CDHR2: variants seen among roughly 807,000 people sequenced by gnomAD.
The protein encoded by CDHR2 is cadherin related family member 2, also known as cadherin-related family member 2.
In CDHR2, 104 loss-of-function variants were observed where a neutral mutation model predicts 138.6. The ratio of observed to expected loss-of-function variants is 0.75; its 90% confidence interval spans 0.64 to 0.88. The LOEUF (loss-of-function observed/expected upper bound fraction) is 0.88. CDHR2 is among the 40% of genes least tolerant of loss of function. The probability of loss-of-function intolerance (pLI) is 0.00; values close to 1 mark genes in which losing one functional copy is unlikely to be tolerated. For synonymous variants in CDHR2, 755 were observed against 742.8 expected, an observed-to-expected ratio of 1.02 and a Z score of -0.27; for missense variants, 1,624 against 1,727.6, an observed-to-expected ratio of 0.94 and a Z score of 1.06.
chr5:176,590,039 T>C (rs1348294294), intron 24 of CDHR2, 39 bp from the exon 25 acceptor site: 2 of 1,569,596 alleles, frequency 1.3e-6, no homozygotes, highest in East Asian at 2.2e-5. Flanking sequence ...AGGCCCAGGC[T>C]AAGACCCCAG....
At position 176,549,827 on chromosome 5, in the gene CDHR2, G is replaced by A. The variant is rs1757665596; in HGVS notation, c.-16+413G>A. On this transcript the variant is annotated intron_variant, in intron 1 of 31. Coordinates refer to ENST00000261944, the MANE Select transcript of CDHR2 (RefSeq NM_017675.6). ...ACATCCCAGCTCCACCCTGACCTTG[G>A]TGGGCTACTTAACTCTTCTGGGCCT... is the stretch of plus-strand genomic sequence containing the variant. 3.3e-5 allele frequency among the ~76,000 whole-genome samples: 5 copies of A among 152,188 alleles called. 1 individual carries two copies. In the South Asian group the frequency reaches 1.0e-3, roughly 31 times the overall value.
intron 28 of CDHR2, 63 bp downstream of exon 28, chr5:176,590,750 G>T (rs1758825171): frequency 5.0e-6 from 8 of 1,606,076 alleles, no homozygotes; most frequent in South Asian, 2.2e-5. Context: ...AAGACGTCGG[G>T]GGGTAGGGGT....
At chr5:176,579,937 A>G (rs537655941) in intron 16 of CDHR2, among the ~76,000 whole-genome samples, 5 of 152,298 alleles carry the variant, frequency 3.3e-5, no homozygotes, top group Non-Finnish European at 5.9e-5. Flanking sequence ...GTTGAGGCCC[A>G]GAGGAAGCGC....
chr5:176,590,849 C>A (rs576037024), intron 28 of CDHR2, among the ~76,000 whole-genome samples, 162 bp downstream of exon 28: 1 of 152,156 alleles, frequency 6.6e-6, no homozygotes, highest in African/African-American at 2.4e-5. Context: ...CTCCCCTCCA[C>A]GGGCCTCAGT....
At chr5:176,590,756 G>C in intron 28 of CDHR2, 69 bp downstream of exon 28, 1 of 1,602,476 alleles carries the variant, frequency 6.2e-7, no homozygotes, top group Non-Finnish European at 8.5e-7. Flanking sequence ...TCGGGGGGTA[G>C]GGGTAGAAGG....
At chr5:176,567,939 A>G (rs530256947) in intron 3 of CDHR2, among the ~76,000 whole-genome samples, 12 of 152,238 alleles carry the variant, frequency 7.9e-5, no homozygotes, top group Non-Finnish European at 1.3e-4. Flanking sequence ...TTCTGCTTTT[A>G]AAAGAAATGC....
intron 17 of CDHR2, among the ~76,000 whole-genome samples, chr5:176,582,861 G>A (rs1265486873): frequency 6.6e-6 from 1 of 152,176 alleles, no homozygotes; most frequent in Non-Finnish European, 1.5e-5. Context: ...CAATCAGTCT[G>A]GTTCTAAGGC....
chr5:176,583,481 A>T (rs1435861901), intron 17 of CDHR2, among the ~76,000 whole-genome samples: 1 of 152,214 alleles, frequency 6.6e-6, no homozygotes, highest in Non-Finnish European at 1.5e-5. Flanking sequence ...TGACCCACAA[A>T]CCTGGGAAGG....
chr5:176,574,322 C>T, intron 7 of CDHR2, 150 bp downstream of exon 7: 1 of 639,790 alleles, frequency 1.6e-6, no homozygotes, highest in Admixed American at 2.6e-5. Context: ...CCACCAGCCC[C>T]CCTCCCCGGA....
chr5:176,561,829 G>A (rs1030397452), intron 1 of CDHR2, among the ~76,000 whole-genome samples: 1 of 152,020 alleles, frequency 6.6e-6, no homozygotes, highest in African/African-American at 2.4e-5. Flanking sequence ...TAGTAGAGAT[G>A]GGGTTTCACC....
chr5:176,578,010 C>T (rs760481221), intron 14 of CDHR2, 24 bp from the exon 15 acceptor site: 3 of 1,602,954 alleles, frequency 1.9e-6, no homozygotes, highest in Admixed American at 1.7e-5. Flanking sequence ...CCACACAGCA[C>T]CCTGCCATGT....
chr5:176,592,624 CGTG>C lies in CDHR2; in HGVS notation c.3735-95_3735-93del. ...TGGTGATGGTGATGATGGTGGTAGT[CGTG>C]GTGATGGTGATGGTGGTGATGGAGG... On this transcript the variant is annotated intron_variant, in intron 30 of 31. Coordinates refer to ENST00000261944, the MANE Select transcript of CDHR2 (RefSeq NM_017675.6). The C allele has an allele frequency of 3.4e-6, 3 of 884,352 alleles. No homozygotes were observed. The South Asian group carries it at 4.1e-5, about 12-fold the overall frequency. The allele number at this position is 884,352 out of a possible 1,614,324, so 54.8% of individuals were successfully genotyped here.
In CDHR2 at chr5:176,575,436, G is replaced by A. The variant is rs754647304; in HGVS notation, c.768+10G>A. ...TGAGGATGCAGCCAAGGTGCACGGG[G>A]GACCTGTGGGGTGTGGGTGGAGGCG... On this transcript the variant is annotated intron_variant, in intron 9 of 31. Transcript: ENST00000261944. 5 of 1,614,096 alleles carry A rather than the reference G, an allele frequency of 3.1e-6. No homozygotes were observed. Among genetic ancestry groups the A allele is most frequent in the African/African-American group, 2.7e-5 (2 of 74,946 alleles).
At position 176,584,555 on chromosome 5, in the gene CDHR2, C is replaced by G. The variant is rs781391127; in HGVS notation, c.2274C>G (p.Leu758=). The change falls in exon 19 of 32, where the codon CTC becomes CTG. Residue 758 remains leucine, a synonymous_variant. Transcript: ENST00000261944. ...VLGAGWAEGY[L]RLPPDVSLDY... is the part of the protein sequence containing the mutation. Reference sequence around the variant, plus strand: ...GGGCTGGGTGGGCTGAGGGCTACCTCCGGCTGCCCCCGGACGTGAGCCTGG... The same window carrying G: ...GGGCTGGGTGGGCTGAGGGCTACCTGCGGCTGCCCCCGGACGTGAGCCTGG... 6.2e-7 allele frequency: 1 copy of G among 1,611,994 alleles called. No individual in the cohort carries two copies. The highest frequency in any genetic ancestry group is 8.5e-7 in the Non-Finnish European group (1 of 1,178,748).
Position 176,577,467 on chromosome 5 carries a change from G to C in CDHR2, c.1263G>C (p.Glu421Asp), listed in dbSNP as rs763384341. ...PDAEAFSVSP[E>D]RAVGSASVQV... is the part of the protein sequence containing the mutation. ...CAGAAGCCTTCAGCGTCTCCCCGGA[G>C]CGGGCAGTGGGCTCAGCCTCCGTTC... The change falls in exon 13 of 32, where the codon GAG becomes GAC. Residue 421 changes from glutamate to aspartate, a missense_variant. Around this residue, in one of 3 missense-constraint regions of CDHR2, gnomAD observed 1,061 missense variants for 1,136.6 expected, o/e 0.93. Transcript: ENST00000261944. 6.2e-7 allele frequency: 1 copy of C among 1,610,398 alleles called. No homozygotes were observed. The highest frequency in any genetic ancestry group is 8.5e-7 in the Non-Finnish European group (1 of 1,178,782).
Position 176,553,342 on chromosome 5 carries a change from T to TC in CDHR2, c.-16+3928_-16+3929insC, listed in dbSNP as rs1757751796. On this transcript the variant is annotated intron_variant, in intron 1 of 31. Transcript: ENST00000261944. This position sits in a 1 kb window ranked among gnomAD's most constrained non-coding sequence, Gnocchi z 4.3. Reference sequence around the variant, plus strand: ...CGTCAGTTTGCTGAGGACTAAATGGTAATGGGGGCAAAGTGCTAGCCTCGG... The same window carrying TC: ...CGTCAGTTTGCTGAGGACTAAATGGTCAATGGGGGCAAAGTGCTAGCCTCGG... Among the ~76,000 whole-genome samples the TC allele has an allele frequency of 6.6e-6, 1 of 152,056 alleles. No individual in the cohort carries two copies. Among genetic ancestry groups the TC allele is most frequent in the Non-Finnish European group, 1.5e-5 (1 of 68,010 alleles).
intron 30 of CDHR2, 75 bp downstream of exon 30, chr5:176,591,559 TTGG>T: frequency 3.6e-6 from 4 of 1,097,554 alleles, no homozygotes; most frequent in South Asian, 1.2e-5. Context: ...GGTGATGGTG[TTGG>T]TGGTGATGAT....
intron 21 of CDHR2, among the ~76,000 whole-genome samples, chr5:176,588,550 T>A (rs1009664718): frequency 4.7e-5 from 7 of 150,390 alleles, no homozygotes; most frequent in Non-Finnish European, 7.4e-5. Context: ...AGTGAGTGTA[T>A]GTGTGAGTGG....
intron 17 of CDHR2, among the ~76,000 whole-genome samples, chr5:176,582,729 C>G (rs1758559189): frequency 6.6e-6 from 1 of 152,178 alleles, no homozygotes; most frequent in South Asian, 2.1e-4. Context: ...CTGCGGTGAG[C>G]TATGATCATG....
Sources: gnomAD v4.1 joint callset for allele counts (sites outside exome capture counted in the v4.1 genomes callset) on GRCh38, gnomAD v4.1.1 for gene constraint, gnomAD v4.1.1 regional missense constraint, Gnocchi (gnomAD v3.1) non-coding constraint, MANE v1.5 for transcripts, NCBI Gene and HGNC (gene_info 2026-07-23, HGNC 2026-07-21) for gene names.